The following ALDH1A2 variants were observed in gnomAD, a reference collection of about 807,000 sequenced individuals.
ALDH1A2 encodes retinal dehydrogenase 2.
Under a neutral mutation model 60.3 loss-of-function variants are expected in ALDH1A2, and 27 were observed. The observed-to-expected ratio is 0.45, with a 90% confidence interval of 0.33 to 0.62. ALDH1A2 has a LOEUF of 0.62. Among genes scored for constraint, ALDH1A2 ranks in the 20% least tolerant of loss-of-function variants. The pLI is 0.02. For missense variants in ALDH1A2, 581 were observed against 643.8 expected, an observed-to-expected ratio of 0.90 and a Z score of 1.06; for synonymous variants, 289 against 232.4, an observed-to-expected ratio of 1.24 and a Z score of -2.21.
At chr15:58,002,054 G>C (rs1895293226) in intron 4 of ALDH1A2, among the ~76,000 whole-genome samples, 1 of 151,812 alleles carries the variant, frequency 6.6e-6, no homozygotes, top group Non-Finnish European at 1.5e-5. Context: ...CTCTTAAAGG[G>C]GGGTTATTTT....
At chr15:57,988,804 G>T (rs1267292847) in intron 7 of ALDH1A2, among the ~76,000 whole-genome samples, 2 of 152,168 alleles carry the variant, frequency 1.3e-5, no homozygotes, top group African/African-American at 4.8e-5. Flanking sequence ...TGGTTTTATG[G>T]ACTCACTATG....
At chr15:58,024,161 C>A (rs575982913) in intron 1 of ALDH1A2, among the ~76,000 whole-genome samples, 1 of 129,496 alleles carries the variant, frequency 7.7e-6, no homozygotes, top group Non-Finnish European at 1.9e-5. Context: ...AGTAATCACA[C>A]AAAGGAGGAA....
chr15:57,962,425 C>T (rs1346246932), intron 9 of ALDH1A2, among the ~76,000 whole-genome samples: 2 of 152,048 alleles, frequency 1.3e-5, no homozygotes, highest in African/African-American at 4.8e-5. Flanking sequence ...TCAGAAGTAC[C>T]AGCTGAACAT....
intron 3 of ALDH1A2, among the ~76,000 whole-genome samples, chr15:58,013,529 A>C (rs1221832757): frequency 6.6e-6 from 1 of 152,108 alleles, no homozygotes; most frequent in Non-Finnish European, 1.5e-5. Flanking sequence ...GGTCTGCTTC[A>C]AAGTATCCTT....
intron 10 of ALDH1A2, 102 bp downstream of exon 10, chr15:57,961,910 T>G: frequency 2.7e-6 from 4 of 1,459,644 alleles, no homozygotes; most frequent in Non-Finnish European, 2.9e-6. Flanking sequence ...AATGAATATA[T>G]GTAAAATATA....
intron 1 of ALDH1A2, among the ~76,000 whole-genome samples, chr15:58,040,813 T>C (rs34834301): frequency 0.014 from 2,136 of 152,018 alleles, 26 homozygotes; most frequent in African/African-American, 0.033. Context: ...ATTTACAGGC[T>C]CTAGACACTT....
At chr15:57,989,341 TTCC>T (rs1389866430) in intron 7 of ALDH1A2, among the ~76,000 whole-genome samples, 1 of 152,222 alleles carries the variant, frequency 6.6e-6, no homozygotes, top group Non-Finnish European at 1.5e-5. Flanking sequence ...GATAGCATTT[TTCC>T]TCATTTTAAT....
intron 1 of ALDH1A2, among the ~76,000 whole-genome samples, chr15:58,042,620 A>C (rs770868422): frequency 6.6e-6 from 1 of 151,962 alleles, no homozygotes; most frequent in Non-Finnish European, 1.5e-5. Flanking sequence ...CTGTCTCTCA[A>C]TCTACAGTGA....
chr15:57,971,362 C>T (rs1418205011), intron 7 of ALDH1A2, among the ~76,000 whole-genome samples: 3 of 152,220 alleles, frequency 2.0e-5, no homozygotes, highest in Non-Finnish European at 4.4e-5. Flanking sequence ...GTACGTAACT[C>T]TCACATTGTG....
intron 7 of ALDH1A2, among the ~76,000 whole-genome samples, chr15:57,981,405 A>G (rs182659038): frequency 6.6e-6 from 1 of 152,270 alleles, no homozygotes; most frequent in East Asian, 1.9e-4. Flanking sequence ...ACGAAAGGAG[A>G]GTAAAGCTGC....
At chr15:58,038,452 A>G (rs1343596660) in intron 1 of ALDH1A2, 4 of 151,754 alleles carry the variant, frequency 2.6e-5, no homozygotes, top group Non-Finnish European at 5.9e-5. Context: ...TGAGTGATCC[A>G]TTTGTAGAAA....
rs114235407 is a variant in ALDH1A2, at chr15:58,006,000, G to A, written c.493+4649C>T. ...ACAGAGTGTTCTCAGAGTCATTTAC[G>A]GGCATGTATATCCAAAGCAGGGATT... is the stretch of plus-strand genomic sequence containing the variant. On this transcript the variant is annotated intron_variant, in intron 4 of 12. Coordinates refer to ENST00000249750, the MANE Select transcript of ALDH1A2 (RefSeq NM_003888.4). 7.7e-3 allele frequency among the ~76,000 whole-genome samples: 1,141 copies of A among 148,896 alleles called. 16 individuals carry two copies. The highest frequency in any genetic ancestry group is 0.026 in the African/African-American group (1,072 of 40,694).
chr15:57,982,838 T>C (rs1307311840), intron 7 of ALDH1A2, among the ~76,000 whole-genome samples: 6 of 152,186 alleles, frequency 3.9e-5, no homozygotes, highest in Non-Finnish European at 8.8e-5. Flanking sequence ...CCCCTGACTA[T>C]TAACTACTCT....
At position 58,022,529 on chromosome 15, in the gene ALDH1A2, C is replaced by T. The variant is rs117244742; in HGVS notation, c.118-8248G>A. Reference sequence around the variant, plus strand: ...CCTGGTCCACTGCTGCCACTACCTCCGGGGGGAAAGCCACCTCAAGGCCAA... The same window carrying T: ...CCTGGTCCACTGCTGCCACTACCTCTGGGGGGAAAGCCACCTCAAGGCCAA... On this transcript the variant is annotated intron_variant, in intron 1 of 12. Transcript: ENST00000249750. 1.6e-3 allele frequency among the ~76,000 whole-genome samples: 237 copies of T among 152,218 alleles called. 1 individual carries two copies. The East Asian group carries it at 0.034, about 22-fold the overall frequency.
chr15:58,006,981 T>C (rs988199694), intron 4 of ALDH1A2, among the ~76,000 whole-genome samples: 5 of 151,896 alleles, frequency 3.3e-5, no homozygotes, highest in Non-Finnish European at 5.9e-5. Flanking sequence ...TGTTGAGTGC[T>C]GTCTAGTGTT....
chr15:57,995,013 T>G, intron 5 of ALDH1A2, 65 bp downstream of exon 5: 3 of 1,441,192 alleles, frequency 2.1e-6, no homozygotes, highest in South Asian at 1.1e-5. Context: ...GGACCATGTT[T>G]TATGTGTCTT....
At chr15:57,990,146 A>C (rs1182036481) in intron 7 of ALDH1A2, 1 of 152,244 alleles carries the variant, frequency 6.6e-6, no homozygotes, top group Non-Finnish European at 1.5e-5. Context: ...CATATTTTCA[A>C]ATTCTACAAC....
chr15:57,954,054 C>T lies in ALDH1A2; in HGVS notation c.*1143G>A, dbSNP rs942354197. ...AAGAATGGGGTGTGACAGAGGAGCT[C>T]AGTGGAGCACGGCAGTCCTGGCACA... On this transcript the variant is annotated 3_prime_UTR_variant, in exon 13 of 13. Coordinates refer to ENST00000249750, the MANE Select transcript of ALDH1A2 (RefSeq NM_003888.4). The T allele has an allele frequency of 1.3e-5, 2 of 152,416 alleles. No homozygotes were observed. Among genetic ancestry groups the T allele is most frequent in the Non-Finnish European group, 2.9e-5 (2 of 68,090 alleles). The allele number at this position is 152,416 out of a possible 1,614,324, so 9.4% of individuals were successfully genotyped here.
chr15:57,984,367 G>C (rs1295368412), intron 7 of ALDH1A2, among the ~76,000 whole-genome samples: 3 of 152,172 alleles, frequency 2.0e-5, no homozygotes, highest in African/African-American at 7.2e-5. Context: ...ATTTTTCACA[G>C]CTTGAGATAT....
Sources: allele counts gnomAD v4.1 joint callset (sites outside exome capture counted in the v4.1 genomes callset), GRCh38; gene constraint gnomAD v4.1.1; transcripts MANE v1.5; gene names NCBI Gene and HGNC (gene_info 2026-07-23, HGNC 2026-07-21).